BEND3: variants seen among roughly 807,000 people sequenced by gnomAD.
BEND3 encodes the protein BEN domain containing 3.
BEND3 carries 13 observed loss-of-function variants against 60.1 expected under a neutral mutation model. That is an observed-to-expected ratio of 0.22 (90% confidence interval 0.14 to 0.34). The LOEUF (loss-of-function observed/expected upper bound fraction) is 0.34. Among genes scored for constraint, BEND3 ranks in the 10% least tolerant of loss-of-function variants. The pLI is 1.00. For synonymous variants in BEND3, 497 were observed against 491.5 expected (o/e 1.01, Z -0.15); for missense variants, 896 against 1,138.1 (o/e 0.79, Z 3.06).
intron 3 of BEND3, among the ~76,000 whole-genome samples, chr6:107,080,354 C>CAAAA (rs11402351): frequency 1.1e-3 from 91 of 83,198 alleles, no homozygotes; most frequent in African/African-American, 2.4e-3. Context: ...GATCCCATCT[C>CAAAA]AAAAAAAAAA....
chr6:107,076,829 C>T (rs1459885458), intron 3 of BEND3, among the ~76,000 whole-genome samples: 2 of 151,956 alleles, frequency 1.3e-5, no homozygotes, highest in Non-Finnish European at 2.9e-5. Context: ...TTATTTTCAT[C>T]ATCATCATCA....
In BEND3 at chr6:107,069,702, C is replaced by T; in HGVS notation, c.1489G>A (p.Asp497Asn). Residue 497 changes from aspartate (D) to asparagine (N), a missense_variant, in exon 4 of 4, where the codon GAC (aspartate) becomes AAC (asparagine). Transcript: ENST00000369042. ...GGCAGACTGGAGGAGTCGTAGCAGT[C>T]ATCACGCGGGGGGTCGCCTTCACTG... Reference protein sequence around the residue: ...AGSEGDPPRDDCYDSSSLPDD... With the variant: ...AGSEGDPPRDNCYDSSSLPDD... The T allele has an allele frequency of 6.2e-7, 1 of 1,610,348 alleles. No individual in the cohort carries two copies. The highest frequency in any genetic ancestry group is 8.5e-7 in the Non-Finnish European group (1 of 1,179,988).
chr6:107,113,619 A>G (rs1238629807), intron 1 of BEND3, among the ~76,000 whole-genome samples: 2 of 152,108 alleles, frequency 1.3e-5, no homozygotes, highest in Admixed American at 6.6e-5. Flanking sequence ...CTGAACGCCT[A>G]CTAAGTTATG....
chr6:107,087,731 C>T (rs1775382812), intron 3 of BEND3, among the ~76,000 whole-genome samples: 1 of 117,872 alleles, frequency 8.5e-6, no homozygotes, highest in African/African-American at 3.2e-5. Flanking sequence ...AGCAAGACTC[C>T]ATCTCGAAAC....
chr6:107,090,187 A>G (rs1775445077), intron 3 of BEND3, among the ~76,000 whole-genome samples: 2 of 152,028 alleles, frequency 1.3e-5, no homozygotes, highest in African/African-American at 2.4e-5. Context: ...TGTCTCTACT[A>G]AAAATACAAA....
In BEND3 at chr6:107,080,363, A is replaced by AC. The variant is rs1562303831; in HGVS notation, c.241-9414_241-9413insG. 6.1e-5 allele frequency among the ~76,000 whole-genome samples: 9 copies of AC among 147,976 alleles called. No individual in the cohort carries two copies. The East Asian group carries it at 1.4e-3, about 22-fold the overall frequency. ...GAATGAGATCCCATCTCAAAAAAAAAAAAAAAAAAAAAAACAAAAAACAGG... is the reference window on the plus strand; with the variant it reads ...GAATGAGATCCCATCTCAAAAAAAAACAAAAAAAAAAAAAACAAAAAACAGG... On this transcript the variant is annotated intron_variant, in intron 3 of 3. Transcript: ENST00000369042.
rs60952739 is a variant in BEND3, at chr6:107,068,305, T to TA, written c.*398dup. 5.4e-3 allele frequency: 866 copies of TA among 160,238 alleles called. 2 individuals are homozygous for TA. The highest frequency in any genetic ancestry group is 8.4e-3 in the Admixed American group (130 of 15,514). The allele number at this position is 160,238 out of a possible 1,614,324, so 9.9% of individuals were successfully genotyped here. On this transcript the variant is annotated 3_prime_UTR_variant, in exon 4 of 4. Coordinates refer to ENST00000369042, the MANE Select transcript of BEND3 (RefSeq NM_001367314.1). The surrounding 1 kb of genome is among the most constrained non-coding windows in gnomAD (Gnocchi z 5.8). ...TTTTTTTTAAGGGTTTCTTTTTAAT[T>TA]AAAAAAAAATGGGTCAAAATGGAAG...
intron 1 of BEND3, among the ~76,000 whole-genome samples, chr6:107,114,703 G>T (rs1174982359): frequency 6.8e-6 from 1 of 146,940 alleles, no homozygotes; most frequent in Non-Finnish European, 1.5e-5. Flanking sequence ...GCGCCCGGCG[G>T]GGGTGCGGGG....
At chr6:107,072,202 A>C (rs1490203380) in intron 3 of BEND3, among the ~76,000 whole-genome samples, 2 of 152,220 alleles carry the variant, frequency 1.3e-5, no homozygotes, top group African/African-American at 4.8e-5. Flanking sequence ...AATGGACAAG[A>C]ACAAACGGCA....
intron 3 of BEND3, among the ~76,000 whole-genome samples, chr6:107,084,612 C>A (rs1360533968): frequency 6.6e-6 from 1 of 151,996 alleles, no homozygotes; most frequent in Non-Finnish European, 1.5e-5. Flanking sequence ...ATTGTAAACA[C>A]ACCAATCAGC....
chr6:107,110,831 A>T (rs548767137), intron 1 of BEND3, among the ~76,000 whole-genome samples: 1 of 151,718 alleles, frequency 6.6e-6, no homozygotes, highest in African/African-American at 2.4e-5. Context: ...CTGGGACTAC[A>T]GGTGTGAGCC....
intron 3 of BEND3, among the ~76,000 whole-genome samples, chr6:107,084,420 A>G (rs1775297616): frequency 6.6e-6 from 1 of 152,360 alleles, no homozygotes; most frequent in South Asian, 2.1e-4. Flanking sequence ...AAACACACCA[A>G]TCAGCACTCT....
chr6:107,087,672 G>A (rs1189849124), intron 3 of BEND3, among the ~76,000 whole-genome samples: 4 of 151,678 alleles, frequency 2.6e-5, no homozygotes, highest in Non-Finnish European at 5.9e-5. Context: ...GGGAGGCGGA[G>A]GTTGCAGTGA....
chr6:107,100,231 A>G (rs868990365), intron 1 of BEND3, among the ~76,000 whole-genome samples: 1 of 151,750 alleles, frequency 6.6e-6, no homozygotes, highest in Non-Finnish European at 1.5e-5. Context: ...ACTGGGCTAA[A>G]TACAATACTT....
intron 3 of BEND3, among the ~76,000 whole-genome samples, chr6:107,081,393 GGTATTTTTA>G (rs141940333): frequency 0.011 from 1,709 of 151,402 alleles, 15 homozygotes; most frequent in Non-Finnish European, 0.019. Context: ...GCTAATTTTT[GGTATTTTTA>G]GTAGAGATGG....
Position 107,069,178 on chromosome 6 carries a change from G to C in BEND3, c.2013C>G (p.Thr671=), listed in dbSNP as rs1774900765. 6.2e-7 allele frequency: 1 copy of C among 1,612,446 alleles called. No homozygotes were observed. Among genetic ancestry groups the C allele is most frequent in the South Asian group, 1.1e-5 (1 of 91,042 alleles). Residue 671 remains threonine (T), a synonymous_variant, in exon 4 of 4, where the codon ACC becomes ACG. Transcript: ENST00000369042. ...ACCTCTCGGGGTTGATTGCATAGCT[G>C]GTCAAGTCTCTGCACTCAGGGCCCG... The part of the protein sequence containing the change: ...HVPGPECRDL[T]SYAINPERFR...
chr6:107,094,006 C>A (rs782260667), intron 3 of BEND3, among the ~76,000 whole-genome samples: 1 of 152,148 alleles, frequency 6.6e-6, no homozygotes, highest in Non-Finnish European at 1.5e-5. Flanking sequence ...GACTATTAAT[C>A]AAAATACAGG....
intron 1 of BEND3, among the ~76,000 whole-genome samples, chr6:107,100,773 T>C (rs1775686733): frequency 6.6e-6 from 1 of 152,188 alleles, no homozygotes; most frequent in Non-Finnish European, 1.5e-5. Flanking sequence ...GTAGTAACAT[T>C]TGGAGAATAT....
At chr6:107,084,307 C>T (rs1163420711) in intron 3 of BEND3, among the ~76,000 whole-genome samples, 2 of 152,258 alleles carry the variant, frequency 1.3e-5, no homozygotes, top group African/African-American at 4.8e-5. Flanking sequence ...ACCCAATCAG[C>T]ACAGACCCCA....
Sources: gnomAD v4.1 joint callset for allele counts (sites outside exome capture counted in the v4.1 genomes callset) on GRCh38, gnomAD v4.1.1 for gene constraint, Gnocchi (gnomAD v3.1) non-coding constraint, MANE v1.5 for transcripts, NCBI Gene and HGNC (gene_info 2026-07-23, HGNC 2026-07-21) for gene names.